Variants in KCNQ5 observed in about 807,000 individuals in gnomAD.
KCNQ5 encodes the protein potassium voltage-gated channel subfamily Q member 5.
In KCNQ5, 30 loss-of-function variants were observed where a neutral mutation model predicts 98.2. That is an observed-to-expected ratio of 0.31 (90% CI 0.23 to 0.41). KCNQ5 has a LOEUF of 0.41. Ranked by LOEUF, KCNQ5 falls within the 10% of genes least tolerant of loss-of-function variation. The pLI is 1.00. For synonymous variants in KCNQ5, 458 were observed against 449.4 expected, an observed-to-expected ratio of 1.02 and a Z score of -0.24; for missense variants, 835 against 1,182.5, an observed-to-expected ratio of 0.71 and a Z score of 4.31.
chr6:72,659,771 A>T (rs1216026302), intron 1 of KCNQ5, among the ~76,000 whole-genome samples: 2 of 152,218 alleles, frequency 1.3e-5, no homozygotes, highest in African/African-American at 4.8e-5. Context: ...TAGGAGACGG[A>T]TTGTCAATAT....
chr6:73,125,388 T>C (rs751553626), intron 9 of KCNQ5: 8 of 517,434 alleles, frequency 1.5e-5, no homozygotes, highest in Non-Finnish European at 3.1e-5. Context: ...CCAGTATTAA[T>C]GATGTGAAGA....
At chr6:73,144,860 G>C (rs1358874113) in intron 10 of KCNQ5, among the ~76,000 whole-genome samples, 1 of 150,846 alleles carries the variant, frequency 6.6e-6, no homozygotes, top group Non-Finnish European at 1.5e-5. Context: ...GCAGTACATT[G>C]ATATCTGAAG....
chr6:72,891,716 A>G (rs1168398055), intron 1 of KCNQ5, among the ~76,000 whole-genome samples: 7 of 152,320 alleles, frequency 4.6e-5, no homozygotes, highest in African/African-American at 1.7e-4. Flanking sequence ...CCTTCCTAAA[A>G]TAAAGAAATA....
chr6:73,196,100 A>C lies in KCNQ5; in HGVS notation c.*686A>C, dbSNP rs1354368692. On this transcript the variant is annotated 3_prime_UTR_variant, in exon 14 of 14. Coordinates refer to ENST00000370398, the MANE Select transcript of KCNQ5 (RefSeq NM_019842.4). ...TAATGAAATTCAGGGCCAGTGAGGC[A>C]AATAGACTATCTGACATATTTGACT... The C allele has an allele frequency of 6.5e-6, 1 of 152,822 alleles. No homozygotes were observed. The highest frequency in any genetic ancestry group is 1.5e-5 in the Non-Finnish European group (1 of 68,474). 9.5% of individuals were successfully genotyped at this position (152,822 alleles called of 1,614,324 possible). A position where few individuals can be genotyped will look rare whatever the true frequency, so the allele number is the denominator to read the frequency against.
At chr6:73,106,508 G>A (rs553117080) in intron 6 of KCNQ5, among the ~76,000 whole-genome samples, 36 of 152,184 alleles carry the variant, frequency 2.4e-4, no homozygotes, top group African/African-American at 5.8e-4. Flanking sequence ...GAGAAACCAC[G>A]AGAGCCATGA....
chr6:72,906,331 G>A (rs1289979864), intron 1 of KCNQ5, among the ~76,000 whole-genome samples: 1 of 152,174 alleles, frequency 6.6e-6, no homozygotes, highest in Admixed American at 6.5e-5. Context: ...CCTCCTAGCC[G>A]CAAAAGAAAG....
chr6:72,628,876 G>A (rs1453195362), intron 1 of KCNQ5, among the ~76,000 whole-genome samples: 2 of 152,086 alleles, frequency 1.3e-5, no homozygotes, highest in Non-Finnish European at 2.9e-5. Flanking sequence ...GCCTCCCAAA[G>A]TGCTGGGATT....
chr6:73,054,286 T>C (rs1772366473), intron 3 of KCNQ5, among the ~76,000 whole-genome samples: 1 of 152,112 alleles, frequency 6.6e-6, no homozygotes, highest in Admixed American at 6.5e-5. Context: ...GCTGGTACCA[T>C]TCCTACTGAA....
intron 1 of KCNQ5, among the ~76,000 whole-genome samples, chr6:72,995,102 C>CTCATGCCTG (rs549237535): frequency 9.3e-4 from 141 of 152,222 alleles, no homozygotes; most frequent in Non-Finnish European, 1.9e-3. Context: ...GGCACAGTGG[C>CTCATGCCTG]TCATGCCTGT....
rs200601154 is a variant in KCNQ5, at chr6:72,719,537, A to G, written c.398+96950A>G. 1.8e-4 allele frequency among the ~76,000 whole-genome samples: 27 copies of G among 152,384 alleles called. No homozygotes were observed. In the East Asian group the frequency reaches 5.2e-3, roughly 29 times the overall value. ...TGAAAAACCTGGATACTAAATGGCC[A>G]AGCCAAGCCAGGATTCAAAGCCATG... On this transcript the variant is annotated intron_variant, in intron 1 of 13. Coordinates refer to ENST00000370398, the MANE Select transcript of KCNQ5 (RefSeq NM_019842.4).
intron 10 of KCNQ5, among the ~76,000 whole-genome samples, chr6:73,145,286 T>C (rs1375444536): frequency 6.6e-6 from 1 of 152,138 alleles, no homozygotes; most frequent in Non-Finnish European, 1.5e-5. Context: ...ACTCAGAAAA[T>C]GTAAATAACT....
At chr6:72,816,187 A>G (rs1196066345) in intron 1 of KCNQ5, among the ~76,000 whole-genome samples, 3 of 152,160 alleles carry the variant, frequency 2.0e-5, no homozygotes, top group Non-Finnish European at 4.4e-5. Flanking sequence ...ATAAATATGG[A>G]ACCTGAGAAG....
At chr6:72,628,906 C>T (rs1368803374) in intron 1 of KCNQ5, among the ~76,000 whole-genome samples, 1 of 152,200 alleles carries the variant, frequency 6.6e-6, no homozygotes, top group Non-Finnish European at 1.5e-5. Flanking sequence ...AGCCACCACA[C>T]CTGGCCCAAA....
intron 3 of KCNQ5, among the ~76,000 whole-genome samples, chr6:73,066,441 T>C (rs1181270563): frequency 6.6e-6 from 1 of 152,204 alleles, no homozygotes; most frequent in Non-Finnish European, 1.5e-5. Context: ...TCTTCTCTTT[T>C]ATTCACTGCT....
chr6:73,070,998 A>G (rs1773278442), intron 3 of KCNQ5, among the ~76,000 whole-genome samples: 1 of 152,214 alleles, frequency 6.6e-6, no homozygotes, highest in African/African-American at 2.4e-5. Context: ...TGGTTGGACA[A>G]AGTCATTCTA....
At chr6:72,776,376 A>G (rs1338374844) in intron 1 of KCNQ5, among the ~76,000 whole-genome samples, 1 of 152,206 alleles carries the variant, frequency 6.6e-6, no homozygotes, top group Non-Finnish European at 1.5e-5. Flanking sequence ...GTTTACTCCA[A>G]CACATTAAGG....
At chr6:72,794,794 C>T (rs1774245367) in intron 1 of KCNQ5, among the ~76,000 whole-genome samples, 1 of 152,094 alleles carries the variant, frequency 6.6e-6, no homozygotes, top group South Asian at 2.1e-4. Context: ...AGTACCTGTG[C>T]TGAAAAGATG....
intron 2 of KCNQ5, among the ~76,000 whole-genome samples, chr6:73,029,230 A>G (rs1364303624): frequency 1.3e-5 from 2 of 152,176 alleles, no homozygotes; most frequent in Admixed American, 6.5e-5. Flanking sequence ...CAAGCAAGGC[A>G]TTTTCTCTCC....
chr6:72,952,341 C>A (rs1043269122), intron 1 of KCNQ5, among the ~76,000 whole-genome samples: 2 of 152,090 alleles, frequency 1.3e-5, no homozygotes, highest in East Asian at 3.8e-4. Context: ...ATTTTCTTTT[C>A]CTTTTTGATA....
Sources: gnomAD v4.1 joint callset for allele counts (sites outside exome capture counted in the v4.1 genomes callset) on GRCh38, gnomAD v4.1.1 for gene constraint, MANE v1.5 for transcripts, NCBI Gene and HGNC (gene_info 2026-07-23, HGNC 2026-07-21) for gene names.